The following TP63 variants were observed in gnomAD, a reference collection of about 807,000 sequenced individuals.
The protein encoded by TP63 is tumor protein p63, also known as tumor protein 63.
In TP63, 17 loss-of-function variants were observed where a neutral mutation model predicts 82.8. The ratio of observed to expected loss-of-function variants is 0.21; its 90% CI spans 0.14 to 0.31. The LOEUF is 0.31. Ranked by LOEUF, TP63 falls within the 10% of genes least tolerant of loss-of-function variation. The pLI, the probability that TP63 is intolerant of heterozygous loss-of-function variation, is 1.00. For synonymous variants in TP63, 330 were observed against 321.7 expected, an observed-to-expected ratio of 1.03 and a Z score of -0.28; for missense variants, 648 against 895.3, an observed-to-expected ratio of 0.72 and a Z score of 3.52.
At chr3:189,663,287 A>G (rs1318729597) in intron 1 of TP63, among the ~76,000 whole-genome samples, 1 of 152,086 alleles carries the variant, frequency 6.6e-6, no homozygotes, top group African/African-American at 2.4e-5. Context: ...CTTCAGAGTT[A>G]TCAAGAACCA....
chr3:189,733,357 TTATC>T (rs1182522764), intron 1 of TP63, among the ~76,000 whole-genome samples: 2 of 152,214 alleles, frequency 1.3e-5, no homozygotes, highest in Non-Finnish European at 2.9e-5. Context: ...GTTGGTCACA[TTATC>T]TATCAGTCTC....
chr3:189,887,424 C>T (rs546747868), intron 11 of TP63, among the ~76,000 whole-genome samples: 7 of 152,194 alleles, frequency 4.6e-5, no homozygotes, highest in South Asian at 4.1e-4. Flanking sequence ...AACTGATCTA[C>T]GAAGGAACCT....
At chr3:189,763,540 A>G (rs1722734538) in intron 3 of TP63, among the ~76,000 whole-genome samples, 1 of 152,208 alleles carries the variant, frequency 6.6e-6, no homozygotes, top group Non-Finnish European at 1.5e-5. Context: ...GTCAAGGTAG[A>G]GATTGCTAAG....
intron 4 of TP63, among the ~76,000 whole-genome samples, chr3:189,810,746 C>T (rs938854609): frequency 8.6e-5 from 13 of 150,414 alleles, no homozygotes; most frequent in Admixed American, 2.0e-4. Flanking sequence ...GTCTCAGCTA[C>T]TGGGGAGACT....
chr3:189,625,461 A>AT, the TP63 span, among the ~76,000 whole-genome samples: 2 of 152,042 alleles, frequency 1.3e-5, no homozygotes, highest in African/African-American at 4.8e-5. Flanking sequence ...ACTAAAAAAA[A>AT]AAGGACAACT....
At chr3:189,775,236 AAAAAAAG>A (rs1468169431) in intron 3 of TP63, among the ~76,000 whole-genome samples, 6 of 151,536 alleles carry the variant, frequency 4.0e-5, no homozygotes, top group Admixed American at 6.6e-5. Flanking sequence ...AAAAAAAAAA[AAAAAAAG>A]AAAGAAAGAA....
intron 1 of TP63, among the ~76,000 whole-genome samples, chr3:189,705,290 T>C (rs1029277362): frequency 6.6e-6 from 1 of 152,196 alleles, no homozygotes; most frequent in African/African-American, 2.4e-5. Flanking sequence ...ATATGTAAAA[T>C]GGGGATAGTA....
intron 9 of TP63, among the ~76,000 whole-genome samples, chr3:189,870,245 A>T (rs1432882133): frequency 6.6e-6 from 1 of 152,236 alleles, no homozygotes; most frequent in African/African-American, 2.4e-5. Context: ...AGCCTGAATT[A>T]CAGTCAGCCC....
At chr3:189,660,812 G>A (rs1467551349) in intron 1 of TP63, among the ~76,000 whole-genome samples, 1 of 147,832 alleles carries the variant, frequency 6.8e-6, no homozygotes, top group Admixed American at 6.9e-5. Context: ...AGGTATTTTT[G>A]TGTGTGTTCC....
intron 1 of TP63, among the ~76,000 whole-genome samples, chr3:189,662,259 C>T (rs1485454379): frequency 6.6e-6 from 1 of 151,928 alleles, no homozygotes; most frequent in Non-Finnish European, 1.5e-5. Flanking sequence ...TTTTGGTATG[C>T]AGTGTTTCTG....
chr3:189,889,202 G>A (rs1033917138), intron 11 of TP63, 138 bp from the exon 12 acceptor site: 4 of 1,216,790 alleles, frequency 3.3e-6, no homozygotes, highest in Middle Eastern at 2.0e-4. Flanking sequence ...GTTTGAAGGG[G>A]TGTAGTGAGA....
Position 189,842,221 on chromosome 3 carries a change from G to GGA in TP63, c.580-21993_580-21992dup, listed in dbSNP as rs113554185. Among the ~76,000 whole-genome samples the GGA allele has an allele frequency of 3.3e-3, 490 of 149,538 alleles. 1 individual carries two copies. Among genetic ancestry groups the GGA allele is most frequent in the Middle Eastern group, 0.011 (3 of 284 alleles). ...GGTTGCAACGTATTGTCTTCTGTCT[G>GGA]GAGAGAGAGAGAGAGAGAGCGCGTG... On this transcript the variant is annotated intron_variant, in intron 4 of 13. Transcript: ENST00000264731.
At chr3:189,668,761 C>T (rs1426457120) in intron 1 of TP63, among the ~76,000 whole-genome samples, 1 of 151,842 alleles carries the variant, frequency 6.6e-6, no homozygotes, top group Non-Finnish European at 1.5e-5. Flanking sequence ...ATCTGTAATC[C>T]CAGAACTTTG....
intron 1 of TP63, among the ~76,000 whole-genome samples, chr3:189,649,043 G>T (rs1712659682): frequency 6.8e-6 from 1 of 146,942 alleles, no homozygotes; most frequent in Admixed American, 6.7e-5. Flanking sequence ...CCATCTATGG[G>T]CTAAGCCTTA....
At chr3:189,691,355 A>AG (rs202165428) in intron 1 of TP63, among the ~76,000 whole-genome samples, 4 of 144,014 alleles carry the variant, frequency 2.8e-5, no homozygotes, top group Non-Finnish European at 6.0e-5. Flanking sequence ...AAAAAAAAAA[A>AG]AAAAAGAAAA....
chr3:189,745,327 A>T (rs1721282911), intron 3 of TP63, among the ~76,000 whole-genome samples: 1 of 152,232 alleles, frequency 6.6e-6, no homozygotes, highest in Non-Finnish European at 1.5e-5. Flanking sequence ...GCTCAGTGAG[A>T]TATAGGAGAA....
chr3:189,873,257 A>T (rs1577161878), intron 10 of TP63: 2 of 550,012 alleles, frequency 3.6e-6, no homozygotes, highest in East Asian at 6.6e-5. Flanking sequence ...TCACACTAAC[A>T]GTTCTCGTCT....
chr3:189,805,029 T>C (rs910274485), intron 3 of TP63, among the ~76,000 whole-genome samples: 13 of 152,230 alleles, frequency 8.5e-5, no homozygotes, highest in African/African-American at 3.1e-4. Flanking sequence ...TGGGACTGGA[T>C]ATAATTTAAA....
At chr3:189,734,535 A>G (rs1178286340) in intron 1 of TP63, among the ~76,000 whole-genome samples, 1 of 152,064 alleles carries the variant, frequency 6.6e-6, no homozygotes, top group Non-Finnish European at 1.5e-5. Context: ...TAATCACTTA[A>G]CTGTGTAGGT....
Sources: allele counts gnomAD v4.1 joint callset (sites outside exome capture counted in the v4.1 genomes callset), GRCh38; gene constraint gnomAD v4.1.1; transcripts MANE v1.5; gene names NCBI Gene and HGNC (gene_info 2026-07-23, HGNC 2026-07-21).